UBE2E2: variants seen among roughly 807,000 people sequenced by gnomAD.
UBE2E2 encodes the protein ubiquitin-conjugating enzyme E2 E2.
In UBE2E2, 6 loss-of-function variants were observed where a neutral mutation model predicts 24.7. That is an observed-to-expected ratio of 0.24 (90% CI 0.13 to 0.48). UBE2E2 has a LOEUF of 0.48. UBE2E2 is among the 20% of genes least tolerant of loss of function. UBE2E2 has a pLI of 0.99. For missense variants in UBE2E2, 169 were observed against 245.0 expected, an observed-to-expected ratio of 0.69 and a Z score of 2.07; for synonymous variants, 104 against 83.6, an observed-to-expected ratio of 1.24 and a Z score of -1.33.
At chr3:23,322,425 C>G (rs148802113) in intron 3 of UBE2E2, among the ~76,000 whole-genome samples, 1 of 152,040 alleles carries the variant, frequency 6.6e-6, no homozygotes, top group Non-Finnish European at 1.5e-5. Context: ...GTTTTTCCTC[C>G]CAGTCTAACA....
intron 3 of UBE2E2, among the ~76,000 whole-genome samples, chr3:23,382,434 A>G (rs1386920909): frequency 6.6e-6 from 1 of 152,064 alleles, no homozygotes; most frequent in Non-Finnish European, 1.5e-5. Flanking sequence ...CGCCCACCTC[A>G]GCCTCCGAAA....
intron 3 of UBE2E2, among the ~76,000 whole-genome samples, chr3:23,396,365 T>A (rs1697077546): frequency 1.4e-5 from 2 of 147,884 alleles, no homozygotes; most frequent in Non-Finnish European, 3.0e-5. Context: ...TTTATCTATA[T>A]AAAATAAAAA....
intron 3 of UBE2E2, among the ~76,000 whole-genome samples, chr3:23,464,903 T>A (rs556337416): frequency 6.6e-5 from 10 of 152,316 alleles, no homozygotes; most frequent in African/African-American, 2.4e-4. Flanking sequence ...TAAATACAAA[T>A]CATAAAATTA....
At chr3:23,205,036 C>T (rs1473993790) in intron 1 of UBE2E2, among the ~76,000 whole-genome samples, 2 of 152,132 alleles carry the variant, frequency 1.3e-5, no homozygotes, top group African/African-American at 4.8e-5. Context: ...ATGTGAGTTT[C>T]ATTCACTGTA....
intron 3 of UBE2E2, among the ~76,000 whole-genome samples, chr3:23,249,868 G>A (rs1697526103): frequency 6.6e-6 from 1 of 152,260 alleles, no homozygotes; most frequent in South Asian, 2.1e-4. Flanking sequence ...GTGTTAGCTA[G>A]GATAGTCTCG....
intron 3 of UBE2E2, among the ~76,000 whole-genome samples, chr3:23,424,452 T>C (rs1575620182): frequency 6.6e-6 from 1 of 151,834 alleles, no homozygotes. Flanking sequence ...TTTTTTTTTT[T>C]CTGTATTTGC....
chr3:23,508,247 A>G (rs1370906189), intron 4 of UBE2E2, among the ~76,000 whole-genome samples: 1 of 152,236 alleles, frequency 6.6e-6, no homozygotes, highest in Admixed American at 6.5e-5. Flanking sequence ...AATAATGCAC[A>G]TTATATCTGT....
intron 5 of UBE2E2, among the ~76,000 whole-genome samples, chr3:23,564,789 A>T (rs1696027177): frequency 6.6e-6 from 1 of 152,168 alleles, no homozygotes; most frequent in Non-Finnish European, 1.5e-5. Flanking sequence ...CTTGTCTTTA[A>T]TGATGTATCT....
chr3:23,355,356 C>T (rs961033043), intron 3 of UBE2E2, among the ~76,000 whole-genome samples: 7 of 151,962 alleles, frequency 4.6e-5, no homozygotes, highest in South Asian at 2.1e-4. Context: ...GCACATGTAC[C>T]CTAAAACTTA....
intron 3 of UBE2E2, among the ~76,000 whole-genome samples, chr3:23,476,725 A>G (rs1055070503): frequency 1.3e-4 from 20 of 152,176 alleles, no homozygotes; most frequent in African/African-American, 4.8e-4. Flanking sequence ...TAATTTACTC[A>G]ATCTAAATGG....
intron 3 of UBE2E2, among the ~76,000 whole-genome samples, chr3:23,451,296 A>T (rs933449790): frequency 6.6e-5 from 10 of 152,216 alleles, no homozygotes; most frequent in Admixed American, 1.3e-4. Context: ...TCATTAATTT[A>T]GCTGTATATG....
chr3:23,585,916 T>A (rs1460095576), intron 5 of UBE2E2, among the ~76,000 whole-genome samples: 1 of 151,750 alleles, frequency 6.6e-6, no homozygotes, highest in African/African-American at 2.4e-5. Flanking sequence ...TTTTTTTTTT[T>A]ATTACCTTTT....
At chr3:23,413,765 G>A (rs1697554363) in intron 3 of UBE2E2, among the ~76,000 whole-genome samples, 1 of 152,120 alleles carries the variant, frequency 6.6e-6, no homozygotes, top group Non-Finnish European at 1.5e-5. Flanking sequence ...TACACGGTAA[G>A]CTCTATAAGG....
intron 3 of UBE2E2, among the ~76,000 whole-genome samples, chr3:23,300,591 T>C (rs1250018111): frequency 6.6e-6 from 1 of 152,234 alleles, no homozygotes; most frequent in East Asian, 1.9e-4. Context: ...TTCATTTCTT[T>C]AAGAATGTTG....
intron 3 of UBE2E2, among the ~76,000 whole-genome samples, chr3:23,330,860 G>A (rs1011736867): frequency 6.6e-6 from 1 of 151,920 alleles, no homozygotes; most frequent in Non-Finnish European, 1.5e-5. Context: ...ATATAAGAAA[G>A]GATTTATTGT....
intron 3 of UBE2E2, among the ~76,000 whole-genome samples, chr3:23,276,667 T>A (rs1698380921): frequency 6.6e-6 from 1 of 152,044 alleles, no homozygotes; most frequent in Admixed American, 6.6e-5. Flanking sequence ...AAATCACAAG[T>A]AGAGTGTGGG....
At chr3:23,376,630 G>A (rs185940271) in intron 3 of UBE2E2, among the ~76,000 whole-genome samples, 1 of 152,342 alleles carries the variant, frequency 6.6e-6, no homozygotes, top group Admixed American at 6.5e-5. Flanking sequence ...ATACAGTGGA[G>A]ATCTGTTACC....
intron 3 of UBE2E2, among the ~76,000 whole-genome samples, chr3:23,386,018 A>G (rs1359210846): frequency 6.6e-6 from 1 of 152,258 alleles, no homozygotes; most frequent in Non-Finnish European, 1.5e-5. Context: ...CTAAAATCGA[A>G]TAGAATTACA....
intron 3 of UBE2E2, among the ~76,000 whole-genome samples, chr3:23,269,146 A>G (rs1318691057): frequency 1.3e-5 from 2 of 152,210 alleles, no homozygotes; most frequent in African/African-American, 4.8e-5. Context: ...GGCATGGGCA[A>G]GGACTTCATG....
Sources: gnomAD v4.1 joint callset for allele counts (sites outside exome capture counted in the v4.1 genomes callset) on GRCh38, gnomAD v4.1.1 for gene constraint, MANE v1.5 for transcripts, NCBI Gene and HGNC (gene_info 2026-07-23, HGNC 2026-07-21) for gene names.